CCSER1: variants seen among roughly 807,000 people sequenced by gnomAD.
CCSER1 encodes coiled-coil serine rich protein 1, also known as serine-rich coiled-coil domain-containing protein 1.
Under a neutral mutation model 82.0 loss-of-function variants are expected in CCSER1, and 41 were observed. That is an observed-to-expected ratio of 0.50 (90% CI 0.39 to 0.65). CCSER1 has a LOEUF of 0.65. Among genes scored for constraint, CCSER1 ranks in the 30% least tolerant of loss-of-function variants. The pLI is 0.00. For synonymous variants in CCSER1, 414 were observed against 383.9 expected (o/e 1.08, Z -0.92); for missense variants, 1,119 against 1,064.2 (o/e 1.05, Z -0.72).
chr4:90,821,677 A>G (rs905889260), intron 8 of CCSER1, among the ~76,000 whole-genome samples: 2 of 152,168 alleles, frequency 1.3e-5, no homozygotes, highest in African/African-American at 4.8e-5. Context: ...TTATAATAAA[A>G]GGTATTTTAA....
chr4:91,101,558 T>C (rs1215311052), intron 10 of CCSER1, among the ~76,000 whole-genome samples: 2 of 150,676 alleles, frequency 1.3e-5, no homozygotes, highest in African/African-American at 4.9e-5. Context: ...TCACTTGAAC[T>C]CGGGAGGCGG....
chr4:91,137,222 T>G (rs1212069860), intron 10 of CCSER1, among the ~76,000 whole-genome samples: 1 of 118,242 alleles, frequency 8.5e-6, no homozygotes, highest in African/African-American at 3.1e-5. Context: ...CCATGTGATC[T>G]CATTGTTCAA....
intron 9 of CCSER1, among the ~76,000 whole-genome samples, chr4:91,068,491 C>T (rs891206258): frequency 2.0e-5 from 3 of 152,056 alleles, no homozygotes; most frequent in African/African-American, 7.2e-5. Context: ...AGTAAGATTT[C>T]CAGCAGTGGA....
chr4:91,082,854 C>A (rs1722933483), intron 9 of CCSER1, among the ~76,000 whole-genome samples: 1 of 152,170 alleles, frequency 6.6e-6, no homozygotes, highest in Non-Finnish European at 1.5e-5. Context: ...ATCAAAACCA[C>A]AATGAGATAC....
intron 1 of CCSER1, among the ~76,000 whole-genome samples, chr4:90,159,325 A>G (rs908809159): frequency 2.6e-5 from 4 of 152,160 alleles, no homozygotes; most frequent in Admixed American, 2.0e-4. Flanking sequence ...GATTAAAGGC[A>G]TGAACCACCA....
intron 9 of CCSER1, among the ~76,000 whole-genome samples, chr4:90,924,158 C>G (rs1317197600): frequency 6.6e-6 from 1 of 152,074 alleles, no homozygotes; most frequent in East Asian, 1.9e-4. Context: ...GATCTTGTAG[C>G]TAACATGTAT....
rs1441380860 is a variant in CCSER1, at chr4:91,482,838, G to A, written c.2218-115734G>A. Among the ~76,000 whole-genome samples, 8 of 152,076 alleles carry A rather than the reference G, an allele frequency of 5.3e-5. No homozygotes were observed. In the East Asian group the frequency reaches 5.8e-4, roughly 11 times the overall value. On this transcript the variant is annotated intron_variant, in intron 10 of 10. Coordinates refer to ENST00000509176, the MANE Select transcript of CCSER1 (RefSeq NM_001145065.2). ...AAACCGTCATTCTCAGCAAACTATCGCAAGGACAAAAAACCAAACACCGCA... is the reference window on the plus strand; with the variant it reads ...AAACCGTCATTCTCAGCAAACTATCACAAGGACAAAAAACCAAACACCGCA...
chr4:90,719,422 A>C (rs1245751350), intron 6 of CCSER1, among the ~76,000 whole-genome samples: 1 of 152,114 alleles, frequency 6.6e-6, no homozygotes, highest in Non-Finnish European at 1.5e-5. Context: ...TAATAATAGA[A>C]ATAACGTGCA....
intron 4 of CCSER1, among the ~76,000 whole-genome samples, chr4:90,404,808 A>AG (rs1268365619): frequency 1.3e-5 from 2 of 152,184 alleles, no homozygotes; most frequent in East Asian, 1.9e-4. Context: ...TCCTAGGGGA[A>AG]GGGGGAGAGT....
At chr4:91,208,699 C>T (rs1215972508) in intron 10 of CCSER1, among the ~76,000 whole-genome samples, 2 of 151,870 alleles carry the variant, frequency 1.3e-5, no homozygotes, top group Non-Finnish European at 2.9e-5. Context: ...CTTAGCTATT[C>T]AGGCTCTTTT....
chr4:91,491,022 T>C (rs770843312), intron 10 of CCSER1, among the ~76,000 whole-genome samples: 4 of 147,522 alleles, frequency 2.7e-5, no homozygotes, highest in South Asian at 4.3e-4. Flanking sequence ...GTTACATCCA[T>C]TATCTAATTT....
chr4:90,860,295 A>T (rs2149980860), intron 8 of CCSER1, among the ~76,000 whole-genome samples: 2 of 151,792 alleles, frequency 1.3e-5, no homozygotes, highest in African/African-American at 4.8e-5. Flanking sequence ...AACCCAAACC[A>T]CAATGAGATA....
intron 10 of CCSER1, among the ~76,000 whole-genome samples, chr4:91,345,653 T>C (rs955171298): frequency 7.2e-5 from 11 of 152,212 alleles, no homozygotes; most frequent in Admixed American, 1.3e-4. Flanking sequence ...ATTTTTGTTA[T>C]ATAATTGATG....
chr4:90,964,523 G>A (rs7696888), intron 9 of CCSER1, among the ~76,000 whole-genome samples: 42,946 of 151,180 alleles, frequency 0.28, 7,411 homozygotes, highest in East Asian at 0.4. Flanking sequence ...CAGGAGATCG[G>A]GACCATCCTG....
intron 10 of CCSER1, among the ~76,000 whole-genome samples, chr4:91,451,840 T>C (rs1755887022): frequency 1.3e-5 from 2 of 151,988 alleles, no homozygotes; most frequent in African/African-American, 4.8e-5. Context: ...AAATGCAAAG[T>C]CCCAGTTTCA....
intron 10 of CCSER1, among the ~76,000 whole-genome samples, chr4:91,575,164 G>A (rs1225686325): frequency 1.3e-5 from 2 of 151,916 alleles, no homozygotes; most frequent in African/African-American, 4.8e-5. Flanking sequence ...ATATCCATGT[G>A]CAAGTAAAAA....
intron 3 of CCSER1, among the ~76,000 whole-genome samples, chr4:90,357,840 G>A (rs1167586627): frequency 2.6e-5 from 4 of 152,034 alleles, no homozygotes; most frequent in Non-Finnish European, 4.4e-5. Flanking sequence ...GCAAGAAGCA[G>A]TAAAAGGGCA....
At chr4:90,976,422 T>G (rs1323297019) in intron 9 of CCSER1, among the ~76,000 whole-genome samples, 1 of 151,124 alleles carries the variant, frequency 6.6e-6, no homozygotes, top group Non-Finnish European at 1.5e-5. Flanking sequence ...TAGTTATAGA[T>G]CAAATGACAT....
chr4:90,440,114 C>T (rs1246726363), intron 4 of CCSER1, among the ~76,000 whole-genome samples: 3 of 152,122 alleles, frequency 2.0e-5, no homozygotes, highest in Admixed American at 1.3e-4. Flanking sequence ...AGTAATCATC[C>T]CACCTCAACC....
Sources: allele counts gnomAD v4.1 joint callset (sites outside exome capture counted in the v4.1 genomes callset), GRCh38; gene constraint gnomAD v4.1.1; transcripts MANE v1.5; gene names NCBI Gene and HGNC (gene_info 2026-07-23, HGNC 2026-07-21).